The following ACOX3 variants were observed in gnomAD, a reference collection of about 807,000 sequenced individuals.
The protein encoded by ACOX3 is acyl-CoA oxidase 3, pristanoyl, also known as peroxisomal acyl-coenzyme A oxidase 3.
Under a neutral mutation model 81.5 loss-of-function variants are expected in ACOX3, and 73 were observed. That is an observed-to-expected ratio of 0.90 (90% confidence interval 0.74 to 1.09). The LOEUF (loss-of-function observed/expected upper bound fraction) is 1.09, where lower values mean the gene tolerates loss of function less well. Among genes scored for constraint, ACOX3 ranks in the 50% least tolerant of loss-of-function variants. The pLI is 0.00. For missense variants in ACOX3, 947 were observed against 928.0 expected, an observed-to-expected ratio of 1.02 and a Z score of -0.27; for synonymous variants, 387 against 375.1, an observed-to-expected ratio of 1.03 and a Z score of -0.37.
intron 1 of ACOX3, among the ~76,000 whole-genome samples, chr4:8,425,532 A>C (rs534741632): frequency 6.6e-6 from 1 of 151,506 alleles, no homozygotes; most frequent in African/African-American, 2.4e-5. Context: ...GACTTTTCAA[A>C]ACTATCAAGC....
intron 16 of ACOX3, 73 bp downstream of exon 16, chr4:8,373,488 C>T (rs529418990): frequency 6.6e-7 from 1 of 1,516,150 alleles, no homozygotes; most frequent in African/African-American, 1.4e-5. Context: ...CTGGGTGATG[C>T]TAAGGGGATG....
At chr4:8,377,922 CG>C (rs1159529900) in intron 14 of ACOX3, among the ~76,000 whole-genome samples, 1 of 152,156 alleles carries the variant, frequency 6.6e-6, no homozygotes, top group Non-Finnish European at 1.5e-5. Flanking sequence ...CAGACACATC[CG>C]GGAGCCCCAC....
At chr4:8,379,814 C>T (rs1717410197) in intron 14 of ACOX3, among the ~76,000 whole-genome samples, 1 of 152,234 alleles carries the variant, frequency 6.6e-6, no homozygotes, top group South Asian at 2.1e-4. Context: ...GAGACAGGGT[C>T]TTGCTCTGTT....
In ACOX3 at chr4:8,406,156, G is replaced by GT. The variant is rs1720927949; in HGVS notation, c.688-114dup. On this transcript the variant is annotated intron_variant, in intron 6 of 17. Coordinates refer to ENST00000356406, the MANE Select transcript of ACOX3 (RefSeq NM_003501.3). This position sits in a 1 kb window ranked among gnomAD's most constrained non-coding sequence, Gnocchi z 5.6. ...GCCATGGGCTCAACGCTGGGCGGCT[G>GT]TGGGTTAAACCATCCTCCAGAAATG... 8.9e-6 allele frequency: 9 copies of GT among 1,008,690 alleles called. No individual in the cohort carries two copies. The highest frequency in any genetic ancestry group is 1.4e-5 in the Non-Finnish European group (9 of 649,084). The allele number at this position is 1,008,690 out of a possible 1,614,324, so 62.5% of individuals were successfully genotyped here.
In ACOX3 at chr4:8,396,924, G is replaced by T; in HGVS notation, c.1056+13C>A. The T allele has an allele frequency of 6.2e-7, 1 of 1,606,656 alleles. No individual in the cohort carries two copies. The highest frequency in any genetic ancestry group is 1.1e-5 in the South Asian group (1 of 89,200). On this transcript the variant is annotated intron_variant, in intron 9 of 17. Transcript: ENST00000356406. Reference sequence around the variant, plus strand: ...ATAGAGAGACAGTGAAAGGATGCTTGAAAACCTCATACCTGCATTGGATAC... The same window carrying T: ...ATAGAGAGACAGTGAAAGGATGCTTTAAAACCTCATACCTGCATTGGATAC...
At chr4:8,367,590 T>C (rs1715613899) in intron 17 of ACOX3, among the ~76,000 whole-genome samples, 2 of 152,190 alleles carry the variant, frequency 1.3e-5, no homozygotes, top group Middle Eastern at 3.4e-3. Context: ...TTTTCTTTTT[T>C]TTTCTAGTAG....
In ACOX3 at chr4:8,389,579, C is replaced by T. The variant is rs1310530469; in HGVS notation, c.1423+33G>A. 6.2e-7 allele frequency: 1 copy of T among 1,612,462 alleles called. No individual in the cohort carries two copies. The highest frequency in any genetic ancestry group is 8.5e-7 in the Non-Finnish European group (1 of 1,179,640). On this transcript the variant is annotated intron_variant, in intron 12 of 17. Transcript: ENST00000356406. This position sits in a 1 kb window ranked among gnomAD's most constrained non-coding sequence, Gnocchi z 5.3. ...ACCCACCCCTGCCCCAGTTGGGTTCCAGCGCCCCCACCAGTGTGCAGCAGA... is the reference window on the plus strand; with the variant it reads ...ACCCACCCCTGCCCCAGTTGGGTTCTAGCGCCCCCACCAGTGTGCAGCAGA...
At position 8,419,028 on chromosome 4, in the gene ACOX3, G is replaced by A. The variant is rs1015946212; in HGVS notation, c.-14-2493C>T. On this transcript the variant is annotated intron_variant, in intron 1 of 17. Transcript: ENST00000356406. This position sits in a 1 kb window ranked among gnomAD's most constrained non-coding sequence, Gnocchi z 4.2. The stretch of plus-strand genomic sequence containing the variant: ...ACTAAAATACTAAATGCCGGCTATA[G>A]TGGCACGTGCCTGTGGTCCCAGCTA... 6.6e-6 allele frequency among the ~76,000 whole-genome samples: 1 copy of A among 152,048 alleles called. No homozygotes were observed. Among genetic ancestry groups the A allele is most frequent in the Non-Finnish European group, 1.5e-5 (1 of 68,036 alleles).
At chr4:8,424,435 T>C (rs575629884) in intron 1 of ACOX3, among the ~76,000 whole-genome samples, 2 of 152,328 alleles carry the variant, frequency 1.3e-5, no homozygotes, top group East Asian at 1.9e-4. Context: ...AGGGACCAGG[T>C]TGCAACCCAT....
chr4:8,377,079 C>T (rs1292300557), intron 14 of ACOX3, among the ~76,000 whole-genome samples: 2 of 152,090 alleles, frequency 1.3e-5, no homozygotes, highest in Admixed American at 6.5e-5. Flanking sequence ...CTCCTGTGTC[C>T]ACGAGAACAC....
At chr4:8,403,926 G>A (rs905586452) in intron 7 of ACOX3, among the ~76,000 whole-genome samples, 9 of 152,320 alleles carry the variant, frequency 5.9e-5, no homozygotes, top group Admixed American at 2.0e-4. Flanking sequence ...CCCGGGTGGA[G>A]ATGCCTGTCG....
chr4:8,385,267 C>T lies in ACOX3; in HGVS notation c.1538-3660G>A, dbSNP rs1414559480. ...CCACTGCCCACCTCACATGACCTCA[C>T]CATGCACTCCACGTGACCTCACCGC... On this transcript the variant is annotated intron_variant, in intron 13 of 17. Transcript: ENST00000356406. This position sits in a 1 kb window ranked among gnomAD's most constrained non-coding sequence, Gnocchi z 5.5. Among the ~76,000 whole-genome samples the T allele has an allele frequency of 6.6e-6, 1 of 152,074 alleles. No homozygotes were observed. The highest frequency in any genetic ancestry group is 1.5e-5 in the Non-Finnish European group (1 of 68,004).
intron 1 of ACOX3, among the ~76,000 whole-genome samples, chr4:8,422,064 G>A (rs1418101026): frequency 1.3e-5 from 2 of 152,200 alleles, no homozygotes; most frequent in South Asian, 2.1e-4. Flanking sequence ...AGAGGCAAAT[G>A]GGGGCAACGA....
chr4:8,387,554 C>T (rs1334004321), intron 13 of ACOX3, among the ~76,000 whole-genome samples: 2 of 152,182 alleles, frequency 1.3e-5, no homozygotes, highest in Admixed American at 6.5e-5. Flanking sequence ...GAGGCGATGG[C>T]GAGATGGAGG....
At chr4:8,421,646 C>T (rs1722958200) in intron 1 of ACOX3, among the ~76,000 whole-genome samples, 2 of 152,210 alleles carry the variant, frequency 1.3e-5, no homozygotes, top group African/African-American at 4.8e-5. Flanking sequence ...CACTTCCTCT[C>T]CCAAGTATTA....
intron 8 of ACOX3, among the ~76,000 whole-genome samples, chr4:8,397,628 C>T (rs1283949779): frequency 6.6e-6 from 1 of 152,248 alleles, no homozygotes; most frequent in East Asian, 1.9e-4. Flanking sequence ...CCACTATCTC[C>T]TCGCACGCAT....
At chr4:8,436,737 C>T (rs1264347424) in intron 1 of ACOX3, among the ~76,000 whole-genome samples, 1 of 151,732 alleles carries the variant, frequency 6.6e-6, no homozygotes, top group Admixed American at 6.6e-5. Context: ...TAATCCCAGC[C>T]CTTTGGAAGG....
chr4:8,357,218 C>CT, the ACOX3 span: 2 of 456,646 alleles, frequency 4.4e-6, no homozygotes, highest in Non-Finnish European at 8.8e-6. Context: ...ACAGTGCACA[C>CT]TAACACGTTC....
At chr4:8,425,500 A>G (rs901661929) in intron 1 of ACOX3, among the ~76,000 whole-genome samples, 3 of 151,708 alleles carry the variant, frequency 2.0e-5, no homozygotes, top group African/African-American at 7.3e-5. Context: ...TCAGACGGCC[A>G]AATCATTATT....
Sources: gnomAD v4.1 joint callset for allele counts (sites outside exome capture counted in the v4.1 genomes callset) on GRCh38, gnomAD v4.1.1 for gene constraint, Gnocchi (gnomAD v3.1) non-coding constraint, MANE v1.5 for transcripts, NCBI Gene and HGNC (gene_info 2026-07-23, HGNC 2026-07-21) for gene names.